The following THADA variants were observed in gnomAD, a reference collection of about 807,000 sequenced individuals.
THADA encodes THADA armadillo repeat containing.
In THADA, 213 loss-of-function variants were observed where a neutral mutation model predicts 219.8. The ratio of observed to expected loss-of-function variants is 0.97; its 90% CI spans 0.87 to 1.09. THADA has a LOEUF of 1.09. THADA is among the 50% of genes least tolerant of loss of function. THADA has a pLI of 0.00. For missense variants in THADA, 2,956 were observed against 2,311.3 expected, an observed-to-expected ratio of 1.28 and a Z score of -5.72; for synonymous variants, 1,018 against 828.9, an observed-to-expected ratio of 1.23 and a Z score of -3.92.
intron 26 of THADA, among the ~76,000 whole-genome samples, chr2:43,464,857 CTGCT>C (rs1411858033): frequency 6.6e-6 from 1 of 152,098 alleles, no homozygotes; most frequent in African/African-American, 2.4e-5. Flanking sequence ...TGACAGACTT[CTGCT>C]TGCTTAATTC....
At position 43,505,671 on chromosome 2, in the gene THADA, A is replaced by C; in HGVS notation, c.3572T>G (p.Leu1191Ter). 6.3e-7 allele frequency: 1 copy of C among 1,597,698 alleles called. No individual in the cohort carries two copies. The highest frequency in any genetic ancestry group is 8.5e-7 in the Non-Finnish European group (1 of 1,171,042). ...MDLLKITMKE[L>*]ISLAGPTDDI... ...ATCTGTAGGCCCAGCCAAAGAGATT[A>C]ACTCTTTCATTGTTATTTTCAACAA... The change falls in exon 24 of 38, where the codon TTA (leucine) becomes TGA (stop). Residue 1191 changes from leucine to a stop codon, truncating the protein, a stop_gained. Coordinates refer to ENST00000405975, the MANE Select transcript of THADA (RefSeq NM_022065.5). LOFTEE classifies it high-confidence loss of function.
chr2:43,353,645 T>C (rs757923982), intron 29 of THADA, among the ~76,000 whole-genome samples: 1 of 152,120 alleles, frequency 6.6e-6, no homozygotes, highest in African/African-American at 2.4e-5. Flanking sequence ...TAGGTTGCCT[T>C]TTTTCACATT....
intron 30 of THADA, among the ~76,000 whole-genome samples, chr2:43,329,864 C>T (rs974360263): frequency 6.6e-6 from 1 of 152,202 alleles, no homozygotes; most frequent in East Asian, 1.9e-4. Flanking sequence ...GGCACATTTT[C>T]AACGTGGCGA....
At chr2:43,321,523 T>C (rs1573055180) in intron 30 of THADA, among the ~76,000 whole-genome samples, 2 of 152,244 alleles carry the variant, frequency 1.3e-5, no homozygotes, top group South Asian at 2.1e-4. Flanking sequence ...TGAATGTTGT[T>C]ATCTTGGGAT....
intron 29 of THADA, among the ~76,000 whole-genome samples, chr2:43,395,238 C>T (rs1316234688): frequency 6.6e-6 from 1 of 152,236 alleles, no homozygotes; most frequent in Non-Finnish European, 1.5e-5. Flanking sequence ...CTAGGCCTTC[C>T]TTCTAACTCA....
rs1431704911 is a variant in THADA, at chr2:43,586,970, G to A, written c.335C>T (p.Pro112Leu). 9 of 1,613,420 alleles carry A rather than the reference G, an allele frequency of 5.6e-6. No individual in the cohort carries two copies. The highest frequency in any genetic ancestry group is 3.3e-5 in the Admixed American group (2 of 59,934). The change falls in exon 5 of 38, where the codon CCT becomes CTT. Residue 112 changes from proline to leucine, a missense_variant. Transcript: ENST00000405975. Reference protein sequence around the residue: ...SLNSLPDFFLPEAMHRFTSRL... With the variant: ...SLNSLPDFFLLEAMHRFTSRL... ...AGAAGTAAAACGGTGCATAGCCTCA[G>A]GTAGAAAAAAATCAGGCAGGCTATT...
Position 43,433,834 on chromosome 2 carries a change from C to T in THADA, c.3837-3532G>A, listed in dbSNP as rs566916794. On this transcript the variant is annotated intron_variant, in intron 26 of 37. Coordinates refer to ENST00000405975, the MANE Select transcript of THADA (RefSeq NM_022065.5). ...TCCTGAGTAGCTGGCACTACAGGTG[C>T]GCACCACCACATCTGGCTAATTTTT... is the stretch of plus-strand genomic sequence containing the variant. Among the ~76,000 whole-genome samples, 4 of 152,104 alleles carry T rather than the reference C, an allele frequency of 2.6e-5. No individual in the cohort carries two copies. The South Asian group carries it at 6.2e-4, about 24-fold the overall frequency.
intron 26 of THADA, among the ~76,000 whole-genome samples, chr2:43,458,814 A>T (rs1487135688): frequency 6.6e-6 from 1 of 152,098 alleles, no homozygotes; most frequent in Non-Finnish European, 1.5e-5. Context: ...CTAAAGGGGG[A>T]TGTATATATG....
At chr2:43,591,010 T>C (rs1478791325) in intron 3 of THADA, 56 bp from the exon 4 acceptor site, 1 of 1,520,986 alleles carries the variant, frequency 6.6e-7, no homozygotes, top group African/African-American at 1.4e-5. Flanking sequence ...CAAAGTAACA[T>C]GGTTACAGAT....
intron 25 of THADA, chr2:43,492,399 T>A (rs1411528344): frequency 6.6e-6 from 1 of 152,112 alleles, no homozygotes; most frequent in Admixed American, 6.6e-5. Flanking sequence ...CATGTATATA[T>A]GTGTATATTT....
intron 31 of THADA, among the ~76,000 whole-genome samples, chr2:43,303,809 A>C (rs1048412487): frequency 6.6e-6 from 1 of 152,090 alleles, no homozygotes. Context: ...TGTCCCATGT[A>C]GGGTTGCTGT....
chr2:43,543,444 C>T lies in THADA; in HGVS notation c.3107-2128G>A, dbSNP rs577081395. 1.4e-4 allele frequency among the ~76,000 whole-genome samples: 21 copies of T among 151,240 alleles called. 1 individual carries two copies. The East Asian group carries it at 2.7e-3, about 20-fold the overall frequency. ...TTCTAGTTCTAGATCCCTGAGGAAT[C>T]GCCACACTGACTTCCACAATGGTTG... On this transcript the variant is annotated intron_variant, in intron 20 of 37. Coordinates refer to ENST00000405975, the MANE Select transcript of THADA (RefSeq NM_022065.5).
At chr2:43,376,396 G>A (rs2104639245) in intron 29 of THADA, among the ~76,000 whole-genome samples, 1 of 152,278 alleles carries the variant, frequency 6.6e-6, no homozygotes, top group South Asian at 2.1e-4. Context: ...TTCTATAGCT[G>A]AAAATACACA....
chr2:43,452,729 T>C (rs1318121423), intron 26 of THADA, among the ~76,000 whole-genome samples: 1 of 152,206 alleles, frequency 6.6e-6, no homozygotes, highest in Non-Finnish European at 1.5e-5. Flanking sequence ...ACTGAATTTA[T>C]GGGAGTAGAT....
chr2:43,380,032 GA>G (rs927031674), intron 29 of THADA, among the ~76,000 whole-genome samples: 23 of 152,226 alleles, frequency 1.5e-4, no homozygotes, highest in African/African-American at 5.5e-4. Context: ...GTGGAGATAG[GA>G]ATGCTTAGGG....
intron 22 of THADA, among the ~76,000 whole-genome samples, chr2:43,520,731 CACACACACACACAT>C (rs1335004631): frequency 1.9e-4 from 28 of 150,092 alleles, no homozygotes; most frequent in Admixed American, 4.0e-4. Context: ...CACACACACA[CACACACACACACAT>C]ATATATCAAC....
At chr2:43,331,971 C>T (rs1224742565) in intron 30 of THADA, among the ~76,000 whole-genome samples, 1 of 132,606 alleles carries the variant, frequency 7.5e-6, no homozygotes, top group Non-Finnish European at 1.6e-5. Context: ...ATGCTGGGCG[C>T]TGTACTAAGA....
intron 26 of THADA, among the ~76,000 whole-genome samples, chr2:43,448,963 G>A (rs1179925618): frequency 2.6e-5 from 4 of 151,924 alleles, no homozygotes; most frequent in Non-Finnish European, 5.9e-5. Flanking sequence ...CCAATTCAAA[G>A]GGGGGGCGGG....
At chr2:43,521,728 C>G (rs1387093744) in intron 22 of THADA, among the ~76,000 whole-genome samples, 1 of 152,214 alleles carries the variant, frequency 6.6e-6, no homozygotes, top group Non-Finnish European at 1.5e-5. Flanking sequence ...CAGATTACTC[C>G]AACTCCTATC....
Sources: allele counts gnomAD v4.1 joint callset (sites outside exome capture counted in the v4.1 genomes callset), GRCh38; gene constraint gnomAD v4.1.1; transcripts MANE v1.5; gene names NCBI Gene and HGNC (gene_info 2026-07-23, HGNC 2026-07-21).